NEDD4L: variants seen among roughly 807,000 people sequenced by gnomAD.
NEDD4L encodes NEDD4 like E3 ubiquitin protein ligase, also known as E3 ubiquitin-protein ligase NEDD4-like.
A neutral mutation model predicts 148.9 loss-of-function variants in NEDD4L; 54 were observed. The ratio of observed to expected loss-of-function variants is 0.36; its 90% confidence interval spans 0.29 to 0.45. NEDD4L has a LOEUF of 0.45. NEDD4L is among the 20% of genes least tolerant of loss of function. The pLI is 1.00. For missense variants in NEDD4L, 856 were observed against 1,233.8 expected, an observed-to-expected ratio of 0.69 and a Z score of 4.59; for synonymous variants, 433 against 440.7, an observed-to-expected ratio of 0.98 and a Z score of 0.22.
chr18:58,103,560 G>A (rs1012805043), intron 1 of NEDD4L, among the ~76,000 whole-genome samples: 2 of 152,158 alleles, frequency 1.3e-5, no homozygotes, highest in African/African-American at 4.8e-5. Flanking sequence ...CAGTGCACAT[G>A]TTCCTTAGTT....
At position 58,368,016 on chromosome 18, in the gene NEDD4L, C is replaced by T. The variant is rs1353840590; in HGVS notation, c.2185+149C>T. 5 of 870,094 alleles carry T rather than the reference C, an allele frequency of 5.7e-6. No individual in the cohort carries two copies. In the African/African-American group the frequency reaches 6.8e-5, roughly 12 times the overall value. The allele number at this position is 870,094 out of a possible 1,614,324, so 53.9% of individuals were successfully genotyped here. On this transcript the variant is annotated intron_variant, in intron 22 of 30. Coordinates refer to ENST00000400345, the MANE Select transcript of NEDD4L (RefSeq NM_001144967.3). Reference sequence around the variant, plus strand: ...TTTTGCCCATAATGGATGTCCTTTTCTCTGGTAGCTTATTTTGGGCACTGA... The same window carrying T: ...TTTTGCCCATAATGGATGTCCTTTTTTCTGGTAGCTTATTTTGGGCACTGA...
intron 5 of NEDD4L, among the ~76,000 whole-genome samples, chr18:58,270,472 C>G (rs2050878393): frequency 6.6e-6 from 1 of 152,190 alleles, no homozygotes; most frequent in South Asian, 2.1e-4. Context: ...GCCAATAATT[C>G]ACACTGTTGT....
intron 5 of NEDD4L, among the ~76,000 whole-genome samples, chr18:58,286,059 G>T (rs73961556): frequency 6.6e-6 from 1 of 152,306 alleles, no homozygotes; most frequent in African/African-American, 2.4e-5. Context: ...GCAAGTAGAT[G>T]CACGTTCTTA....
intron 2 of NEDD4L, among the ~76,000 whole-genome samples, chr18:58,173,331 A>G (rs2037728803): frequency 6.6e-6 from 1 of 152,210 alleles, no homozygotes; most frequent in Non-Finnish European, 1.5e-5. Flanking sequence ...CAACTGTAGA[A>G]TCTCATGCTT....
At chr18:58,086,441 A>T (rs959132932) in intron 1 of NEDD4L, among the ~76,000 whole-genome samples, 2 of 152,134 alleles carry the variant, frequency 1.3e-5, no homozygotes, top group Non-Finnish European at 2.9e-5. Flanking sequence ...GGTGAGAGGG[A>T]TGTTTTTATG....
intron 2 of NEDD4L, 27 bp downstream of exon 2, chr18:58,165,888 T>A: frequency 6.4e-7 from 1 of 1,562,940 alleles, no homozygotes; most frequent in Non-Finnish European, 8.7e-7. Flanking sequence ...TTTATTTCTG[T>A]GGACTTCTGA....
At chr18:58,241,985 G>T (rs774778514) in intron 2 of NEDD4L, among the ~76,000 whole-genome samples, 1 of 151,802 alleles carries the variant, frequency 6.6e-6, no homozygotes, top group Non-Finnish European at 1.5e-5. Context: ...ATCAGCAGCA[G>T]CCACTAGAAC....
At chr18:58,330,592 T>C (rs2059708791) in intron 10 of NEDD4L, 146 bp from the exon 11 acceptor site, 1 of 504,140 alleles carries the variant, frequency 2.0e-6, no homozygotes, top group Non-Finnish European at 3.3e-6. Context: ...GTGATTATTG[T>C]GAAGGTTGTG....
At chr18:58,368,487 A>G (rs1281342961) in intron 22 of NEDD4L, among the ~76,000 whole-genome samples, 2 of 152,252 alleles carry the variant, frequency 1.3e-5, no homozygotes, top group Non-Finnish European at 2.9e-5. Flanking sequence ...TTAAGAAAAC[A>G]CTACAGAAAT....
At chr18:58,342,678 G>A (rs1251162814) in intron 15 of NEDD4L, among the ~76,000 whole-genome samples, 1 of 152,180 alleles carries the variant, frequency 6.6e-6, no homozygotes, top group African/African-American at 2.4e-5. Context: ...ATACTGAGTA[G>A]CTACCAAAGG....
At chr18:58,215,103 T>C (rs1423197766) in intron 2 of NEDD4L, among the ~76,000 whole-genome samples, 2 of 152,138 alleles carry the variant, frequency 1.3e-5, no homozygotes, top group Admixed American at 6.5e-5. Context: ...TGAGCCACCA[T>C]ACCCAGCCTG....
intron 1 of NEDD4L, among the ~76,000 whole-genome samples, chr18:58,067,669 C>T (rs896365785): frequency 2.0e-5 from 3 of 152,182 alleles, no homozygotes; most frequent in African/African-American, 7.2e-5. Context: ...GCTCCTGTAG[C>T]TGCACACATG....
chr18:58,208,547 C>T (rs1244669636), intron 2 of NEDD4L, among the ~76,000 whole-genome samples: 1 of 151,438 alleles, frequency 6.6e-6, no homozygotes, highest in Non-Finnish European at 1.5e-5. Context: ...TTTAAGTCAT[C>T]CTTAATTCCC....
At chr18:58,049,976 C>CA (rs34040455) in intron 1 of NEDD4L, among the ~76,000 whole-genome samples, 184 of 91,356 alleles carry the variant, frequency 2.0e-3, no homozygotes, top group Middle Eastern at 0.013. Context: ...ACCCTGTCTC[C>CA]AAAAAAAAAA....
Position 58,157,567 on chromosome 18 carries a change from A to T in NEDD4L, c.49-8221A>T, listed in dbSNP as rs541325053. On this transcript the variant is annotated intron_variant, in intron 1 of 30. Coordinates refer to ENST00000400345, the MANE Select transcript of NEDD4L (RefSeq NM_001144967.3). ...GTCATTCTTTTTGGATTTTTTTTTT[A>T]AATTTCATACTTACAAATGATCATG... Among the ~76,000 whole-genome samples the T allele has an allele frequency of 8.2e-4, 124 of 151,910 alleles. 1 individual carries two copies. The highest frequency in any genetic ancestry group is 2.2e-3 in the African/African-American group (92 of 41,430).
rs2045725205 is a variant in NEDD4L, at chr18:58,363,325, A to C, written c.1768-943A>C. Among the ~76,000 whole-genome samples, 2 of 152,210 alleles carry C rather than the reference A, an allele frequency of 1.3e-5. 1 individual carries two copies. The highest frequency in any genetic ancestry group is 2.9e-5 in the Non-Finnish European group (2 of 68,026). On this transcript the variant is annotated intron_variant, in intron 19 of 30. Coordinates refer to ENST00000400345, the MANE Select transcript of NEDD4L (RefSeq NM_001144967.3). ...AAGGATCAGTATATTTTATTAACTT[A>C]GGCCGAAATGATAACAGCAGAAGTA...
intron 18 of NEDD4L, among the ~76,000 whole-genome samples, chr18:58,355,855 C>T (rs1428393635): frequency 1.3e-5 from 2 of 148,322 alleles, no homozygotes; most frequent in East Asian, 2.0e-4. Context: ...AATAATAAGA[C>T]TTTTTAAAAT....
intron 2 of NEDD4L, among the ~76,000 whole-genome samples, chr18:58,234,061 C>CTT (rs769800809): frequency 1.2e-4 from 10 of 83,604 alleles, no homozygotes; most frequent in Admixed American, 2.6e-4. Context: ...TTCTTTCTTT[C>CTT]TTTCTTTCTT....
At chr18:58,159,481 C>T (rs1028739061) in intron 1 of NEDD4L, among the ~76,000 whole-genome samples, 5 of 151,908 alleles carry the variant, frequency 3.3e-5, no homozygotes, top group Non-Finnish European at 5.9e-5. Context: ...GAGTGTGTCG[C>T]GGTAGGGGGT....
Sources: gnomAD v4.1 joint callset for allele counts (sites outside exome capture counted in the v4.1 genomes callset) on GRCh38, gnomAD v4.1.1 for gene constraint, MANE v1.5 for transcripts, NCBI Gene and HGNC (gene_info 2026-07-23, HGNC 2026-07-21) for gene names.